Variants in SPEF2 observed in about 807,000 individuals in gnomAD.
The protein encoded by SPEF2 is sperm flagellar and cilia associated 2.
A neutral mutation model predicts 224.6 loss-of-function variants in SPEF2; 187 were observed. The ratio of observed to expected loss-of-function variants is 0.83; its 90% CI spans 0.74 to 0.94. SPEF2 has a LOEUF of 0.94. Ranked by LOEUF, SPEF2 falls within the 40% of genes least tolerant of loss-of-function variation. SPEF2 has a pLI of 0.00. For missense variants in SPEF2, 2,170 were observed against 2,135.6 expected (o/e 1.02, Z -0.32); for synonymous variants, 715 against 707.3 (o/e 1.01, Z -0.17).
chr5:35,777,697 A>G (rs1753788221), intron 29 of SPEF2, among the ~76,000 whole-genome samples: 1 of 151,778 alleles, frequency 6.6e-6, no homozygotes, highest in Non-Finnish European at 1.5e-5. Context: ...ATAAATAAAT[A>G]AATAAATAAA....
At chr5:35,704,478 T>A (rs1275344679) in intron 16 of SPEF2, 76 bp from the exon 17 acceptor site, 3 of 876,808 alleles carry the variant, frequency 3.4e-6, no homozygotes, top group Non-Finnish European at 3.7e-6. Flanking sequence ...TTTGGCATCT[T>A]TCACCAGTAT....
intron 1 of SPEF2, among the ~76,000 whole-genome samples, chr5:35,620,136 G>GT (rs1743303986): frequency 6.6e-6 from 1 of 152,208 alleles, no homozygotes; most frequent in South Asian, 2.1e-4. Flanking sequence ...ACACTTAACT[G>GT]TGTTTGTAAG....
At chr5:35,757,081 A>AAAAATATTGTTTTTAATAACTATT (rs1750561288) in intron 24 of SPEF2, among the ~76,000 whole-genome samples, 2 of 152,080 alleles carry the variant, frequency 1.3e-5, no homozygotes, top group Non-Finnish European at 2.9e-5. Context: ...AATAACTATT[A>AAAAATATTGTTTTTAATAACTATT]AAAATATTGT....
At chr5:35,623,400 C>T (rs73747487) in intron 1 of SPEF2, among the ~76,000 whole-genome samples, 8 of 152,042 alleles carry the variant, frequency 5.3e-5, no homozygotes, top group Non-Finnish European at 7.4e-5. Flanking sequence ...CTTTCCTACT[C>T]GAGTAAAGGA....
intron 10 of SPEF2, chr5:35,676,053 T>TAGACC: frequency 2.2e-6 from 1 of 454,646 alleles, no homozygotes; most frequent in South Asian, 1.6e-5. Context: ...TTCAAGACGT[T>TAGACC]AGACCAGAAT....
intron 10 of SPEF2, among the ~76,000 whole-genome samples, chr5:35,682,406 A>C (rs531484070): frequency 6.6e-6 from 1 of 152,334 alleles, no homozygotes; most frequent in African/African-American, 2.4e-5. Context: ...AAACAGTGTA[A>C]GTGTTGTATC....
intron 19 of SPEF2, chr5:35,709,613 G>A: frequency 1.0e-6 from 1 of 984,868 alleles, no homozygotes; most frequent in African/African-American, 1.8e-5. Flanking sequence ...TAAAAGTATA[G>A]AAACAAGCTC....
chr5:35,732,936 G>A (rs996947719), intron 21 of SPEF2, among the ~76,000 whole-genome samples: 3 of 151,998 alleles, frequency 2.0e-5, no homozygotes, highest in East Asian at 1.9e-4. Context: ...ATTTTACTGT[G>A]CCTGATTATG....
At chr5:35,755,398 T>A (rs1383840447) in intron 24 of SPEF2, among the ~76,000 whole-genome samples, 1 of 152,168 alleles carries the variant, frequency 6.6e-6, no homozygotes, top group Non-Finnish European at 1.5e-5. Context: ...TTTTTATGAA[T>A]CATTCTTCAT....
intron 23 of SPEF2, among the ~76,000 whole-genome samples, chr5:35,753,410 T>C (rs1749975172): frequency 6.6e-6 from 1 of 152,092 alleles, no homozygotes; most frequent in Non-Finnish European, 1.5e-5. Flanking sequence ...CATAGACATA[T>C]GATGTGGTGA....
At chr5:35,747,621 A>G (rs1028382548) in intron 23 of SPEF2, among the ~76,000 whole-genome samples, 1 of 152,222 alleles carries the variant, frequency 6.6e-6, no homozygotes, top group Non-Finnish European at 1.5e-5. Flanking sequence ...GGCCTTGTGC[A>G]ACAGGAAAAT....
intron 10 of SPEF2, chr5:35,684,060 A>G (rs969986416): frequency 6.6e-6 from 1 of 152,096 alleles, no homozygotes. Flanking sequence ...AGTAAATAAT[A>G]TATGTTTTAT....
At chr5:35,752,233 G>A (rs1166351639) in intron 23 of SPEF2, among the ~76,000 whole-genome samples, 1 of 152,026 alleles carries the variant, frequency 6.6e-6, no homozygotes, top group African/African-American at 2.4e-5. Context: ...AAGGGTTGGG[G>A]ACCCCTGATG....
In SPEF2 at chr5:35,773,951, T is replaced by C. The variant is rs1753239357; in HGVS notation, c.4008T>C (p.Ala1336=). ...TCATAGTAACAACAGAGGAAATTGCTGAAATCAAAAGGAAAAATGAACTGA... is the reference window on the plus strand; with the variant it reads ...TCATAGTAACAACAGAGGAAATTGCCGAAATCAAAAGGAAAAATGAACTGA... ...TPVIVTTEEI[A]EIKRKNELRV... Residue 1336 remains alanine, a synonymous_variant, in exon 28 of 37, where the codon GCT becomes GCC. Transcript: ENST00000356031. 1 of 1,613,360 alleles carries C rather than the reference T, an allele frequency of 6.2e-7. No individual in the cohort carries two copies. Among genetic ancestry groups the C allele is most frequent in the Non-Finnish European group, 8.5e-7 (1 of 1,179,600 alleles).
chr5:35,711,298 T>G, intron 19 of SPEF2, among the ~76,000 whole-genome samples: 1 of 152,102 alleles, frequency 6.6e-6, no homozygotes, highest in East Asian at 1.9e-4. Context: ...AATTTTGTTA[T>G]TTTGTTAAAA....
rs1755607472 is a variant in SPEF2, at chr5:35,789,163, C to T, written c.4448-3177C>T. ...GTTCCCAACCTGTGTTACAGGCAGG[C>T]AGAGGCAAAAGTGACACCAGTCAAA... On this transcript the variant is annotated intron_variant, in intron 30 of 36. Coordinates refer to ENST00000356031, the MANE Select transcript of SPEF2 (RefSeq NM_024867.4). 1.4e-5 allele frequency: 10 copies of T among 702,848 alleles called. No individual in the cohort carries two copies. The East Asian group carries it at 2.7e-4, about 19-fold the overall frequency. The allele number at this position is 702,848 out of a possible 1,614,324, so 43.5% of individuals were successfully genotyped here. A position where few individuals can be genotyped will look rare whatever the true frequency, so the allele number is the denominator to read the frequency against.
Position 35,792,508 on chromosome 5 carries a change from A to G in SPEF2, c.4554+62A>G, listed in dbSNP as rs548326291. The G allele has an allele frequency of 4.4e-6, 6 of 1,359,982 alleles. No individual in the cohort carries two copies. The African/African-American group carries it at 5.7e-5, about 13-fold the overall frequency. 84.2% of individuals were successfully genotyped at this position (1,359,982 alleles called of 1,614,324 possible). ...GCATTCTTATTTGATCAATGCATCA[A>G]TAGTTCTAAAATAATGAGTACTTGC... On this transcript the variant is annotated intron_variant, in intron 31 of 36. Coordinates refer to ENST00000356031, the MANE Select transcript of SPEF2 (RefSeq NM_024867.4).
At chr5:35,709,790 T>G (rs1740734598) in intron 19 of SPEF2, 1 of 985,376 alleles carries the variant, frequency 1.0e-6, no homozygotes, top group Non-Finnish European at 1.2e-6. Flanking sequence ...TTAATTGTTG[T>G]AATGCATGAT....
chr5:35,703,544 C>T (rs931067723), intron 16 of SPEF2, among the ~76,000 whole-genome samples: 3 of 151,494 alleles, frequency 2.0e-5, no homozygotes, highest in Non-Finnish European at 4.4e-5. Context: ...ATTCATTGGC[C>T]ATGGTACAGA....
Sources: gnomAD v4.1 joint callset for allele counts (sites outside exome capture counted in the v4.1 genomes callset) on GRCh38, gnomAD v4.1.1 for gene constraint, MANE v1.5 for transcripts, NCBI Gene and HGNC (gene_info 2026-07-23, HGNC 2026-07-21) for gene names.